NEDD4: variants seen among roughly 807,000 people sequenced by gnomAD.
NEDD4 encodes E3 ubiquitin-protein ligase NEDD4.
Under a neutral mutation model 144.9 loss-of-function variants are expected in NEDD4, and 99 were observed. That is an observed-to-expected ratio of 0.68 (90% CI 0.58 to 0.81). NEDD4 has a LOEUF of 0.81. NEDD4 is among the 30% of genes least tolerant of loss of function. NEDD4 has a pLI of 0.00. For missense variants in NEDD4, 985 were observed against 1,065.9 expected (o/e 0.92, Z 1.06); for synonymous variants, 318 against 350.6 (o/e 0.91, Z 1.04).
Position 55,837,279 on chromosome 15 carries a change from A to G in NEDD4, c.2262+510T>C, listed in dbSNP as rs1397095916. On this transcript the variant is annotated intron_variant, in intron 24 of 28. Coordinates refer to ENST00000435532, the MANE Select transcript of NEDD4 (RefSeq NM_006154.4). ...ACCATGTCTCTACTAAAAATACAAA[A>G]ATTAGCCAGGCGTGGTGGCGGGCAC... Among the ~76,000 whole-genome samples, 5 of 151,814 alleles carry G rather than the reference A, an allele frequency of 3.3e-5. No homozygotes were observed. The East Asian group carries it at 9.7e-4, about 29-fold the overall frequency.
intron 5 of NEDD4, chr15:55,916,296 C>A: frequency 6.2e-7 from 1 of 1,613,970 alleles, no homozygotes; most frequent in Non-Finnish European, 8.5e-7. Context: ...AGTATATGAA[C>A]CTCCACTTGT....
intron 12 of NEDD4, among the ~76,000 whole-genome samples, chr15:55,854,913 A>G (rs1364374395): frequency 6.6e-6 from 1 of 152,206 alleles, no homozygotes; most frequent in African/African-American, 2.4e-5. Context: ...AATGTCTGTC[A>G]GTCAATGAGA....
chr15:55,884,092 C>A (rs1216580631), intron 5 of NEDD4, among the ~76,000 whole-genome samples: 7 of 152,218 alleles, frequency 4.6e-5, no homozygotes, highest in African/African-American at 1.7e-4. Context: ...GTTGGCCAGG[C>A]TGGTCTTGAA....
chr15:55,842,091 T>C lies in NEDD4; in HGVS notation c.1681A>G (p.Met561Val), dbSNP rs759103902. The change falls in exon 19 of 29, where the codon ATG (methionine) becomes GTG (valine). Residue 561 changes from methionine (M) to valine (V), a missense_variant. Transcript: ENST00000435532. Reference protein sequence around the residue: ...TVLEDSYRRIMGVKRADFLKA... With the variant: ...TVLEDSYRRIVGVKRADFLKA... ...AGGAAGTCTGCTCTCTTGACACCCA[T>C]AATTCTCCGGTAAGAGTCTTCAAGA... 9 of 1,614,196 alleles carry C rather than the reference T, an allele frequency of 5.6e-6. No individual in the cohort carries two copies. In the Admixed American group the frequency reaches 1.5e-4, roughly 27 times the overall value.
At chr15:55,966,060 G>T (rs560266109) in intron 2 of NEDD4, among the ~76,000 whole-genome samples, 22 of 152,146 alleles carry the variant, frequency 1.4e-4, no homozygotes, top group African/African-American at 5.3e-4. Flanking sequence ...CCAATTCATA[G>T]TATCAGGAAC....
At chr15:55,866,110 C>T (rs1463047621) in intron 8 of NEDD4, among the ~76,000 whole-genome samples, 5 of 151,898 alleles carry the variant, frequency 3.3e-5, no homozygotes, top group Non-Finnish European at 5.9e-5. Context: ...GATGGGGTCT[C>T]GTTATGTTGC....
At chr15:55,885,126 C>T (rs2035338512) in intron 5 of NEDD4, among the ~76,000 whole-genome samples, 4 of 152,112 alleles carry the variant, frequency 2.6e-5, no homozygotes, top group African/African-American at 9.7e-5. Flanking sequence ...ACCTTATTAC[C>T]TTGGAGATAG....
chr15:55,954,523 G>A (rs929219750), intron 2 of NEDD4, among the ~76,000 whole-genome samples: 1 of 149,606 alleles, frequency 6.7e-6, no homozygotes, highest in Non-Finnish European at 1.5e-5. Flanking sequence ...GTGTTCAAGA[G>A]TTTTGCCTTT....
At chr15:55,900,627 T>C (rs573594410) in intron 5 of NEDD4, among the ~76,000 whole-genome samples, 3 of 152,162 alleles carry the variant, frequency 2.0e-5, no homozygotes, top group Non-Finnish European at 4.4e-5. Context: ...AAGGGAGAGA[T>C]AGCTATAAGA....
intron 5 of NEDD4, among the ~76,000 whole-genome samples, chr15:55,894,349 T>C (rs2035671783): frequency 1.3e-5 from 2 of 152,148 alleles, no homozygotes; most frequent in African/African-American, 4.8e-5. Context: ...ATGACAAAAT[T>C]TATGGGAGGA....
chr15:55,963,128 C>CTTTTTTT (rs754905603), intron 2 of NEDD4, among the ~76,000 whole-genome samples: 31 of 142,738 alleles, frequency 2.2e-4, no homozygotes, highest in East Asian at 1.3e-3. Flanking sequence ...TTCTGGCACT[C>CTTTTTTT]TTTTTTATTT....
chr15:55,838,281 TC>T, intron 22 of NEDD4, 101 bp from the exon 23 acceptor site: 1 of 866,576 alleles, frequency 1.2e-6, no homozygotes, highest in Non-Finnish European at 1.8e-6. Flanking sequence ...TTAAATTAAG[TC>T]CAGTCAAAAG....
intron 12 of NEDD4, 137 bp from the exon 13 acceptor site, chr15:55,852,680 C>A: frequency 3.6e-6 from 1 of 281,408 alleles, no homozygotes; most frequent in Non-Finnish European, 6.0e-6. Context: ...ACAGTTTTGC[C>A]TTTTCTAGAA....
intron 9 of NEDD4, among the ~76,000 whole-genome samples, chr15:55,861,965 A>C (rs1401589434): frequency 2.0e-5 from 3 of 152,116 alleles, no homozygotes; most frequent in African/African-American, 7.2e-5. Flanking sequence ...TGAAAATGAC[A>C]TCAGCCACAG....
At chr15:55,843,636 A>T (rs1400504686) in intron 18 of NEDD4, among the ~76,000 whole-genome samples, 1 of 152,230 alleles carries the variant, frequency 6.6e-6, no homozygotes, top group Non-Finnish European at 1.5e-5. Context: ...AAAAAAAATC[A>T]ATTTCATTCT....
At chr15:55,863,850 G>C (rs1266355303) in intron 8 of NEDD4, among the ~76,000 whole-genome samples, 1 of 152,176 alleles carries the variant, frequency 6.6e-6, no homozygotes, top group Admixed American at 6.5e-5. Flanking sequence ...AATATACAAA[G>C]GGGCAAGATG....
chr15:55,957,539 T>C (rs185328773), intron 2 of NEDD4, among the ~76,000 whole-genome samples: 45 of 152,330 alleles, frequency 3.0e-4, no homozygotes, highest in African/African-American at 1.1e-3. Flanking sequence ...CTGCTTTTAT[T>C]AAGATGACTG....
At position 55,924,134 on chromosome 15, in the gene NEDD4, G is replaced by T. The variant is rs1249075217; in HGVS notation, c.291+512C>A. Among the ~76,000 whole-genome samples the T allele has an allele frequency of 2.0e-5, 3 of 152,292 alleles. No homozygotes were observed. The East Asian group carries it at 5.8e-4, about 29-fold the overall frequency. Reference sequence around the variant, plus strand: ...AACTTTGCTTTTTGCTTCTGTAAGAGCTGGCCATCTTTGAGAAGACTTTAT... The same window carrying T: ...AACTTTGCTTTTTGCTTCTGTAAGATCTGGCCATCTTTGAGAAGACTTTAT... On this transcript the variant is annotated intron_variant, in intron 5 of 28. Transcript: ENST00000435532.
At chr15:55,915,491 G>A (rs2142208307) in intron 5 of NEDD4, 10 of 1,613,430 alleles carry the variant, frequency 6.2e-6, no homozygotes, top group Non-Finnish European at 8.5e-6. Flanking sequence ...CATGGTTTTT[G>A]TTCATCTGTG....
Sources: gnomAD v4.1 joint callset for allele counts (sites outside exome capture counted in the v4.1 genomes callset) on GRCh38, gnomAD v4.1.1 for gene constraint, MANE v1.5 for transcripts, NCBI Gene and HGNC (gene_info 2026-07-23, HGNC 2026-07-21) for gene names.